CUX2: variants seen among roughly 807,000 people sequenced by gnomAD.
CUX2 encodes cut like homeobox 2.
CUX2 carries 40 observed loss-of-function variants against 144.8 expected under a neutral mutation model. The observed-to-expected ratio is 0.28, with a 90% confidence interval of 0.21 to 0.36. The LOEUF (loss-of-function observed/expected upper bound fraction) is 0.36, where lower values mean the gene tolerates loss of function less well. Ranked by LOEUF, CUX2 falls within the 10% of genes least tolerant of loss-of-function variation. The probability of loss-of-function intolerance (pLI) is 1.00; values close to 1 mark genes in which losing one functional copy is unlikely to be tolerated. For synonymous variants in CUX2, 827 were observed against 875.6 expected (o/e 0.94, Z 0.98); for missense variants, 1,615 against 1,994.0 (o/e 0.81, Z 3.62).
chr12:111,169,908 A>G (rs1301164295), intron 1 of CUX2, among the ~76,000 whole-genome samples: 1 of 152,108 alleles, frequency 6.6e-6, no homozygotes, highest in Non-Finnish European at 1.5e-5. Context: ...GTGGCAGGGA[A>G]TGACTATGGG....
At chr12:111,167,460 C>G (rs1245975706) in intron 1 of CUX2, among the ~76,000 whole-genome samples, 1 of 152,198 alleles carries the variant, frequency 6.6e-6, no homozygotes, top group African/African-American at 2.4e-5. Flanking sequence ...GCCCAGAGCT[C>G]ACTCAGAACA....
At chr12:111,303,794 G>C (rs1403841958) in intron 9 of CUX2, among the ~76,000 whole-genome samples, 1 of 152,152 alleles carries the variant, frequency 6.6e-6, no homozygotes, top group Admixed American at 6.5e-5. Context: ...AACAGCTCTT[G>C]CCTTCAGACT....
rs865965306 is a variant in CUX2 at position 111,099,189 on chromosome 12, G to C, written c.63+64949G>C. Among the ~76,000 whole-genome samples the C allele has an allele frequency of 4.6e-5, 7 of 152,242 alleles. No homozygotes were observed. In the South Asian group the frequency reaches 1.2e-3, roughly 27 times the overall value. ...GAAGCTCAGACCTGAAGGGCGACCA[G>C]GTCCTGCCCCAGCAGAGGCAGGAAC... On this transcript the variant is annotated intron_variant, in intron 1 of 21. Coordinates refer to ENST00000261726, the MANE Select transcript of CUX2 (RefSeq NM_015267.4).
At chr12:111,067,079 C>T (rs935882172) in intron 1 of CUX2, among the ~76,000 whole-genome samples, 1 of 152,182 alleles carries the variant, frequency 6.6e-6, no homozygotes, top group African/African-American at 2.4e-5. Flanking sequence ...CAGAGGCCAT[C>T]GTGTCACAGA....
chr12:111,210,529 C>G (rs1002377849), intron 1 of CUX2, among the ~76,000 whole-genome samples: 1 of 152,140 alleles, frequency 6.6e-6, no homozygotes, highest in Non-Finnish European at 1.5e-5. Context: ...CACAGTGGCT[C>G]ACACCTGTAA....
chr12:111,343,624 C>A (rs549700097), intron 21 of CUX2, among the ~76,000 whole-genome samples: 2 of 152,288 alleles, frequency 1.3e-5, no homozygotes, highest in African/African-American at 4.8e-5. Flanking sequence ...TGAGTCCATA[C>A]CCTCTCTCAG....
chr12:111,136,439 G>A (rs11065813), intron 1 of CUX2, among the ~76,000 whole-genome samples: 2,460 of 152,206 alleles, frequency 0.016, 87 homozygotes, highest in African/African-American at 0.055. Flanking sequence ...CATTGACCTC[G>A]CCAGACCCAA....
chr12:111,202,931 G>A (rs940350813), intron 1 of CUX2, among the ~76,000 whole-genome samples: 11 of 152,020 alleles, frequency 7.2e-5, no homozygotes, highest in African/African-American at 2.7e-4. Flanking sequence ...CGTGCTTAGT[G>A]TGTTCAAGAA....
intron 1 of CUX2, among the ~76,000 whole-genome samples, chr12:111,165,381 T>C (rs1878072135): frequency 6.6e-6 from 1 of 152,122 alleles, no homozygotes; most frequent in Non-Finnish European, 1.5e-5. Flanking sequence ...CTCCAGAAGT[T>C]GTCAAACAGA....
intron 1 of CUX2, among the ~76,000 whole-genome samples, chr12:111,102,590 A>G (rs1489757195): frequency 1.3e-5 from 2 of 152,218 alleles, no homozygotes; most frequent in African/African-American, 2.4e-5. Flanking sequence ...CCTTGTGCTG[A>G]AACAGCTTGC....
intron 1 of CUX2, among the ~76,000 whole-genome samples, chr12:111,125,324 C>T (rs1874990708): frequency 6.6e-6 from 1 of 152,082 alleles, no homozygotes; most frequent in South Asian, 2.1e-4. Context: ...GGACTCCAGG[C>T]ACGTGCCACC....
At chr12:111,146,908 C>T (rs1481891550) in intron 1 of CUX2, among the ~76,000 whole-genome samples, 1 of 152,078 alleles carries the variant, frequency 6.6e-6, no homozygotes, top group Admixed American at 6.5e-5. Context: ...TTGAGGTGGG[C>T]AGGTCACTTA....
intron 4 of CUX2, among the ~76,000 whole-genome samples, chr12:111,265,749 C>G (rs1373232719): frequency 6.6e-6 from 1 of 152,116 alleles, no homozygotes; most frequent in Non-Finnish European, 1.5e-5. Context: ...AATGGCAGAG[C>G]CCGGAGGAGG....
At chr12:111,196,208 A>G (rs1478819947) in intron 1 of CUX2, among the ~76,000 whole-genome samples, 4 of 152,200 alleles carry the variant, frequency 2.6e-5, no homozygotes, top group Non-Finnish European at 5.9e-5. Flanking sequence ...CTTGATTGCT[A>G]AATAATATTC....
chr12:111,285,656 CCT>C (rs1330563763), intron 4 of CUX2, among the ~76,000 whole-genome samples: 6 of 152,226 alleles, frequency 3.9e-5, no homozygotes, highest in African/African-American at 7.2e-5. Context: ...CCCAGCCCTC[CCT>C]GCCTCACCCT....
At chr12:111,142,615 T>C (rs1876400674) in intron 1 of CUX2, among the ~76,000 whole-genome samples, 1 of 152,062 alleles carries the variant, frequency 6.6e-6, no homozygotes, top group African/African-American at 2.4e-5. Context: ...TTTATTCTTG[T>C]TTTTCCTTAT....
intron 1 of CUX2, among the ~76,000 whole-genome samples, chr12:111,212,364 C>T (rs531067586): frequency 7.0e-4 from 106 of 152,276 alleles, no homozygotes; most frequent in Non-Finnish European, 1.1e-3. Flanking sequence ...GAATTGGTTT[C>T]AGCACCTTGG....
intron 1 of CUX2, among the ~76,000 whole-genome samples, chr12:111,123,175 A>G (rs951140478): frequency 4.6e-5 from 7 of 152,140 alleles, no homozygotes; most frequent in Admixed American, 1.3e-4. Context: ...CTTACCCGGC[A>G]TATAGTTTCT....
intron 1 of CUX2, chr12:111,100,203 A>C (rs916153017): frequency 3.5e-6 from 1 of 288,536 alleles, no homozygotes; most frequent in Non-Finnish European, 6.8e-6. Flanking sequence ...GTGTGTGTGT[A>C]TGTGTGTGTG....
Sources: allele counts gnomAD v4.1 joint callset (sites outside exome capture counted in the v4.1 genomes callset), GRCh38; gene constraint gnomAD v4.1.1; transcripts MANE v1.5; gene names NCBI Gene and HGNC (gene_info 2026-07-23, HGNC 2026-07-21).